Variants in ADAMTS2 observed in about 807,000 individuals in gnomAD.
ADAMTS2 encodes ADAM metallopeptidase with thrombospondin type 1 motif 2, also known as A disintegrin and metalloproteinase with thrombospondin motifs 2.
In ADAMTS2, 50 loss-of-function variants were observed where a neutral mutation model predicts 123.0. The ratio of observed to expected loss-of-function variants is 0.41; its 90% CI spans 0.32 to 0.51. The LOEUF (loss-of-function observed/expected upper bound fraction) is 0.51, where lower values mean the gene tolerates loss of function less well. Ranked by LOEUF, ADAMTS2 falls within the 20% of genes least tolerant of loss-of-function variation. The pLI, the probability that ADAMTS2 is intolerant of heterozygous loss-of-function variation, is 0.35. For missense variants in ADAMTS2, 1,494 were observed against 1,705.2 expected (o/e 0.88, Z 2.18); for synonymous variants, 678 against 695.4 (o/e 0.98, Z 0.39).
chr5:179,339,729 G>A (rs1236256602), intron 2 of ADAMTS2, among the ~76,000 whole-genome samples: 1 of 152,182 alleles, frequency 6.6e-6, no homozygotes, highest in East Asian at 1.9e-4. Context: ...CAGTGCCAAG[G>A]TGGGGTGGGA....
intron 3 of ADAMTS2, among the ~76,000 whole-genome samples, chr5:179,208,630 G>A (rs1239216346): frequency 1.3e-5 from 2 of 152,174 alleles, no homozygotes; most frequent in African/African-American, 2.4e-5. Context: ...CCTGGACCAG[G>A]CTTCAGTTCC....
chr5:179,203,406 C>T (rs888058231), intron 4 of ADAMTS2, among the ~76,000 whole-genome samples: 6 of 152,362 alleles, frequency 3.9e-5, no homozygotes, highest in African/African-American at 7.2e-5. Flanking sequence ...GCTGCTGCCA[C>T]GTCTGTCCTT....
At chr5:179,274,690 A>G (rs1401474088) in intron 2 of ADAMTS2, among the ~76,000 whole-genome samples, 1 of 152,156 alleles carries the variant, frequency 6.6e-6, no homozygotes, top group Non-Finnish European at 1.5e-5. Flanking sequence ...CTGCAGACCG[A>G]GATGCAGTCA....
intron 3 of ADAMTS2, among the ~76,000 whole-genome samples, chr5:179,226,200 C>A (rs1765279911): frequency 6.6e-6 from 1 of 151,672 alleles, no homozygotes; most frequent in Non-Finnish European, 1.5e-5. Flanking sequence ...TCTTCTTTAT[C>A]TCTTTCTTTC....
In ADAMTS2 at chr5:179,197,026, A is replaced by T. The variant is rs1764445917; in HGVS notation, c.891+10487T>A. Among the ~76,000 whole-genome samples the T allele has an allele frequency of 6.6e-6, 1 of 152,272 alleles. No individual in the cohort carries two copies. On this transcript the variant is annotated intron_variant, in intron 4 of 21. Transcript: ENST00000251582. This position sits in a 1 kb window ranked among gnomAD's most constrained non-coding sequence, Gnocchi z 4.2. ...TTGCTTTCATGCAAGTAATACGTCC[A>T]AATTTACTTTAATGTAAAACTGATG... is the stretch of plus-strand genomic sequence containing the variant.
intron 2 of ADAMTS2, among the ~76,000 whole-genome samples, chr5:179,288,330 G>A (rs1002317130): frequency 1.3e-5 from 2 of 152,236 alleles, no homozygotes; most frequent in South Asian, 4.1e-4. Flanking sequence ...GGGCAGCCCT[G>A]CCAGGCCCGA....
In ADAMTS2 at chr5:179,225,019, C is replaced by T. The variant is rs1013273581; in HGVS notation, c.689-17304G>A. ...AAGCTTCCCGGGCCGCAGTTCACGC[C>T]CCACTTGTTTCTCCACATCCCTTTC... is the stretch of plus-strand genomic sequence containing the variant. On this transcript the variant is annotated intron_variant, in intron 3 of 21. Transcript: ENST00000251582. This position sits in a 1 kb window ranked among gnomAD's most constrained non-coding sequence, Gnocchi z 4.5. 6.6e-6 allele frequency among the ~76,000 whole-genome samples: 1 copy of T among 152,206 alleles called. No individual in the cohort carries two copies. Among genetic ancestry groups the T allele is most frequent in the African/African-American group, 2.4e-5 (1 of 41,438 alleles).
chr5:179,331,112 T>A (rs1757465002), intron 2 of ADAMTS2, among the ~76,000 whole-genome samples: 1 of 151,416 alleles, frequency 6.6e-6, no homozygotes, highest in Admixed American at 6.6e-5. Context: ...TGGCTCGTTG[T>A]TGGTTCCCAG....
intron 13 of ADAMTS2, among the ~76,000 whole-genome samples, chr5:179,134,725 G>GGCTCCAGCTCCA (rs199676100): frequency 8.8e-6 from 1 of 113,916 alleles, no homozygotes; most frequent in Non-Finnish European, 2.2e-5. Flanking sequence ...GCACCCTCCC[G>GGCTCCAGCTCCA]GCTCCAGCTC....
chr5:179,223,489 C>T lies in ADAMTS2; in HGVS notation c.689-15774G>A, dbSNP rs1765186170. On this transcript the variant is annotated intron_variant, in intron 3 of 21. Coordinates refer to ENST00000251582, the MANE Select transcript of ADAMTS2 (RefSeq NM_014244.5). The stretch of plus-strand genomic sequence containing the variant: ...GAATGCACTCACACACAAATGGACT[C>T]ACACTCACATGCACACTCATACGAA... Among the ~76,000 whole-genome samples, 2 of 151,720 alleles carry T rather than the reference C, an allele frequency of 1.3e-5. 1 individual carries two copies. Among genetic ancestry groups the T allele is most frequent in the African/African-American group, 4.9e-5 (2 of 41,222 alleles).
rs1270320965 is a variant in ADAMTS2 at position 179,343,825 on chromosome 5, C to G, written c.476G>C (p.Gly159Ala). 6.2e-7 allele frequency: 1 copy of G among 1,609,708 alleles called. No homozygotes were observed. The highest frequency in any genetic ancestry group is 1.7e-5 in the Admixed American group (1 of 59,628). Residue 159 changes from glycine to alanine, a missense_variant, in exon 2 of 22, where the codon GGA becomes GCA. By Grantham distance (60) the Gly-to-Ala change is moderately conservative. Transcript: ENST00000251582. ...EPLLGSCLYV[G>A]DVAGLAEASS... ...GGCTTCGGCTAGGCCGGCCACGTCTCCGACGTAGAGACAGCTCCCGAGCAG... is the reference window on the plus strand; with the variant it reads ...GGCTTCGGCTAGGCCGGCCACGTCTGCGACGTAGAGACAGCTCCCGAGCAG...
At chr5:179,245,468 G>A (rs1338091103) in intron 3 of ADAMTS2, among the ~76,000 whole-genome samples, 1 of 152,154 alleles carries the variant, frequency 6.6e-6, no homozygotes, top group East Asian at 1.9e-4. Context: ...AGCAAGAACA[G>A]TACAAAGATG....
intron 2 of ADAMTS2, among the ~76,000 whole-genome samples, chr5:179,300,764 G>A (rs748146392): frequency 2.0e-5 from 3 of 152,170 alleles, no homozygotes; most frequent in Non-Finnish European, 4.4e-5. Flanking sequence ...GCCAAGCTCC[G>A]AATAAACACG....
Position 179,113,792 on chromosome 5 carries a change from A to G in ADAMTS2, c.*75T>C. Reference sequence around the variant, plus strand: ...CAGGAATTTTGACTTCATCTCCATGACACAGGATTTGCTATCCCATGGAAT... The same window carrying G: ...CAGGAATTTTGACTTCATCTCCATGGCACAGGATTTGCTATCCCATGGAAT... On this transcript the variant is annotated 3_prime_UTR_variant, in exon 22 of 22. Transcript: ENST00000251582. 1 of 1,452,570 alleles carries G rather than the reference A, an allele frequency of 6.9e-7. No homozygotes were observed. Among genetic ancestry groups the G allele is most frequent in the Non-Finnish European group, 9.7e-7 (1 of 1,034,394 alleles). The allele number at this position is 1,452,570 out of a possible 1,614,324, so 90.0% of individuals were successfully genotyped here.
At position 179,170,398 on chromosome 5, in the gene ADAMTS2, TG is replaced by T. The variant is rs1290595849; in HGVS notation, c.975+10673del. ...CATCCCCCAGAGTCTGTCCCCACCG[TG>T]GGGGGGACAGCTCAGCCCCCTCCTG... is the stretch of plus-strand genomic sequence containing the variant. On this transcript the variant is annotated intron_variant, in intron 5 of 21. Coordinates refer to ENST00000251582, the MANE Select transcript of ADAMTS2 (RefSeq NM_014244.5). This position sits in a 1 kb window ranked among gnomAD's most constrained non-coding sequence, Gnocchi z 4.3. Among the ~76,000 whole-genome samples, 3 of 151,974 alleles carry T rather than the reference TG, an allele frequency of 2.0e-5. No individual in the cohort carries two copies. The highest frequency in any genetic ancestry group is 1.3e-4 in the Admixed American group (2 of 15,270).
rs1255958071 is a variant in ADAMTS2, at chr5:179,262,847, C to A, written c.688+10064G>T. Among the ~76,000 whole-genome samples the A allele has an allele frequency of 6.6e-6, 1 of 152,268 alleles. No individual in the cohort carries two copies. The highest frequency in any genetic ancestry group is 1.5e-5 in the Non-Finnish European group (1 of 68,050). ...GGTTCCTCCGCTGCTACAGCCCCAGCACCCAGTCCTGTCAGACACATGGTG... is the reference window on the plus strand; with the variant it reads ...GGTTCCTCCGCTGCTACAGCCCCAGAACCCAGTCCTGTCAGACACATGGTG... On this transcript the variant is annotated intron_variant, in intron 3 of 21. Coordinates refer to ENST00000251582, the MANE Select transcript of ADAMTS2 (RefSeq NM_014244.5). This position sits in a 1 kb window ranked among gnomAD's most constrained non-coding sequence, Gnocchi z 5.9.
At chr5:179,299,313 A>G (rs1300379324) in intron 2 of ADAMTS2, among the ~76,000 whole-genome samples, 2 of 109,424 alleles carry the variant, frequency 1.8e-5, no homozygotes, top group Non-Finnish European at 3.7e-5. Context: ...GCGGATCACG[A>G]GGTCAGGAGA....
intron 5 of ADAMTS2, among the ~76,000 whole-genome samples, chr5:179,163,969 AG>A (rs973193480): frequency 1.3e-5 from 2 of 152,096 alleles, no homozygotes; most frequent in African/African-American, 4.8e-5. Context: ...CACTGGGGCC[AG>A]GGGAGCCCTG....
intron 21 of ADAMTS2, chr5:179,120,719 G>A (rs1235633525): frequency 6.6e-6 from 1 of 152,142 alleles, no homozygotes; most frequent in Non-Finnish European, 1.5e-5. Context: ...GGGGCATCAG[G>A]GCAGACTCCA....
Sources: gnomAD v4.1 joint callset for allele counts (sites outside exome capture counted in the v4.1 genomes callset) on GRCh38, gnomAD v4.1.1 for gene constraint, Gnocchi (gnomAD v3.1) non-coding constraint, MANE v1.5 for transcripts, NCBI Gene and HGNC (gene_info 2026-07-23, HGNC 2026-07-21) for gene names.